CSMD2: variants seen among roughly 807,000 people sequenced by gnomAD.
CSMD2 encodes CUB and Sushi multiple domains 2, also known as CUB and sushi domain-containing protein 2.
In CSMD2, 130 loss-of-function variants were observed where a neutral mutation model predicts 398.5. The ratio of observed to expected loss-of-function variants is 0.33; its 90% confidence interval spans 0.28 to 0.38. The LOEUF (loss-of-function observed/expected upper bound fraction) is 0.38, where lower values mean the gene tolerates loss of function less well. Ranked by LOEUF, CSMD2 falls within the 10% of genes least tolerant of loss-of-function variation. CSMD2 has a pLI of 1.00. For missense variants in CSMD2, 3,829 were observed against 4,764.9 expected, an observed-to-expected ratio of 0.80 and a Z score of 5.78; for synonymous variants, 1,828 against 1,908.5, an observed-to-expected ratio of 0.96 and a Z score of 1.10.
At chr1:33,546,009 G>A in intron 57 of CSMD2, 28 bp downstream of exon 57, 9 of 1,588,210 alleles carry the variant, frequency 5.7e-6, no homozygotes, top group Non-Finnish European at 7.7e-6. Context: ...TGGGCAAAGG[G>A]GAGAAGCAGA....
intron 1 of CSMD2, among the ~76,000 whole-genome samples, chr1:34,109,684 G>GA (rs957844571): frequency 6.6e-6 from 1 of 150,576 alleles, no homozygotes; most frequent in Non-Finnish European, 1.5e-5. Flanking sequence ...AAATTTACAA[G>GA]AAAAAAATAA....
chr1:34,139,823 T>C (rs549113028), intron 1 of CSMD2, among the ~76,000 whole-genome samples: 15 of 152,298 alleles, frequency 9.8e-5, no homozygotes, highest in African/African-American at 3.1e-4. Flanking sequence ...GTTGTTGTTA[T>C]AAATTAAAAA....
chr1:33,702,845 G>A (rs193088524), intron 22 of CSMD2, among the ~76,000 whole-genome samples: 49 of 152,088 alleles, frequency 3.2e-4, no homozygotes, highest in African/African-American at 9.9e-4. Context: ...AATTCATGTC[G>A]TTAAATCTAC....
At chr1:33,739,079 C>A in intron 15 of CSMD2, 61 bp downstream of exon 15, 1 of 1,523,538 alleles carries the variant, frequency 6.6e-7, no homozygotes. Flanking sequence ...GGGCTGCTTG[C>A]TCCCCCTCCC....
chr1:33,939,113 A>C (rs934293379), intron 3 of CSMD2, among the ~76,000 whole-genome samples: 2 of 150,028 alleles, frequency 1.3e-5, no homozygotes, highest in South Asian at 4.2e-4. Context: ...GGTGTTTCCC[A>C]TGATCCTGTA....
chr1:33,551,352 A>C (rs1053394158), intron 55 of CSMD2, among the ~76,000 whole-genome samples: 13 of 152,250 alleles, frequency 8.5e-5, no homozygotes, highest in Non-Finnish European at 1.8e-4. Flanking sequence ...TCGGATTTAC[A>C]TTTTAACAAG....
At chr1:33,991,222 G>T (rs893885151) in intron 3 of CSMD2, among the ~76,000 whole-genome samples, 19 of 152,040 alleles carry the variant, frequency 1.2e-4, no homozygotes, top group African/African-American at 4.6e-4. Flanking sequence ...TTCCCAGCTG[G>T]CATGGAACTC....
chr1:33,663,177 G>A, intron 25 of CSMD2, 85 bp from the exon 26 acceptor site: 1 of 1,159,168 alleles, frequency 8.6e-7, no homozygotes, highest in South Asian at 1.4e-5. Flanking sequence ...AACCTACGAA[G>A]ACTGGCCCTA....
In CSMD2 at chr1:33,633,451, A is replaced by G. The variant is rs993241254; in HGVS notation, c.5171T>C (p.Leu1724Pro). The G allele has an allele frequency of 2.1e-5, 32 of 1,553,898 alleles. No homozygotes were observed. The highest frequency in any genetic ancestry group is 3.9e-5 in the Admixed American group (2 of 51,188). Residue 1724 changes from leucine (L) to proline (P), a missense_variant, in exon 32 of 71, where the codon CTC becomes CCC. Coordinates refer to ENST00000373381, the MANE Select transcript of CSMD2 (RefSeq NM_001281956.2). This position sits in a 1 kb window ranked among gnomAD's most constrained non-coding sequence, Gnocchi z 5.0. ...ATGGGAGCCCGAGAGGGAGCTGAGG[A>G]GCCGCGAGTGCTGGCTGTGGCCGTC... ...VHDGHSQHSR[L>P]LSSLSGSHTG...
At chr1:33,876,376 G>A (rs1267008253) in intron 5 of CSMD2, among the ~76,000 whole-genome samples, 2 of 152,146 alleles carry the variant, frequency 1.3e-5, no homozygotes, top group Middle Eastern at 6.3e-3. Context: ...GCAATTTGTC[G>A]AACATGAGAA....
At chr1:33,685,569 G>A (rs1042350774) in intron 25 of CSMD2, among the ~76,000 whole-genome samples, 4 of 152,290 alleles carry the variant, frequency 2.6e-5, no homozygotes, top group Non-Finnish European at 4.4e-5. Context: ...CCTTCAGTGT[G>A]TAAAGACTCC....
At chr1:34,021,387 C>G (rs10914844) in intron 3 of CSMD2, among the ~76,000 whole-genome samples, 12,017 of 152,214 alleles carry the variant, frequency 0.079, 863 homozygotes, top group East Asian at 0.31. Flanking sequence ...CGGTCCCTAC[C>G]AGAGCAGCAG....
In CSMD2 at chr1:34,163,954, C is replaced by T. The variant is rs909917667; in HGVS notation, c.187+957G>A. 6.6e-6 allele frequency among the ~76,000 whole-genome samples: 1 copy of T among 152,156 alleles called. No homozygotes were observed. Among genetic ancestry groups the T allele is most frequent in the Non-Finnish European group, 1.5e-5 (1 of 68,030 alleles). ...TTCCCTCGAAGGTTCGCGTACCTCC[C>T]CCGCGCGCTGCAAGCTGCAGCCAGA... On this transcript the variant is annotated intron_variant, in intron 1 of 70. Transcript: ENST00000373381. This position sits in a 1 kb window ranked among gnomAD's most constrained non-coding sequence, Gnocchi z 5.4.
At chr1:33,781,898 C>A (rs1278352733) in intron 12 of CSMD2, among the ~76,000 whole-genome samples, 1 of 148,778 alleles carries the variant, frequency 6.7e-6, no homozygotes, top group Non-Finnish European at 1.5e-5. Context: ...CTCCCCCGCC[C>A]CCTGACCTGG....
chr1:33,870,235 A>G (rs913559164), intron 5 of CSMD2: 4 of 152,176 alleles, frequency 2.6e-5, no homozygotes, highest in African/African-American at 9.7e-5. Flanking sequence ...TAGGTGTGCT[A>G]GGGAATAAAT....
chr1:34,120,899 T>C (rs1032367485), intron 1 of CSMD2, among the ~76,000 whole-genome samples: 9 of 152,140 alleles, frequency 5.9e-5, no homozygotes, highest in African/African-American at 2.2e-4. Flanking sequence ...ATGGTCCCCC[T>C]CCTGCCATAT....
intron 19 of CSMD2, among the ~76,000 whole-genome samples, chr1:33,722,456 T>C (rs971879970): frequency 6.6e-6 from 1 of 152,218 alleles, no homozygotes; most frequent in Non-Finnish European, 1.5e-5. Context: ...ACTGTTACAA[T>C]TTTCTTTGAT....
chr1:34,092,650 C>T (rs79168250), intron 1 of CSMD2, among the ~76,000 whole-genome samples: 2 of 152,132 alleles, frequency 1.3e-5, no homozygotes, highest in East Asian at 1.9e-4. Context: ...GGGTGACGGA[C>T]GGCACCTGGA....
chr1:33,775,069 G>A (rs1424098114), intron 12 of CSMD2, among the ~76,000 whole-genome samples: 1 of 152,222 alleles, frequency 6.6e-6, no homozygotes, highest in Admixed American at 6.5e-5. Flanking sequence ...TCTGGAAATA[G>A]GGTGTGGAGA....
Sources: allele counts gnomAD v4.1 joint callset (sites outside exome capture counted in the v4.1 genomes callset), GRCh38; gene constraint gnomAD v4.1.1; non-coding constraint Gnocchi (gnomAD v3.1); transcripts MANE v1.5; gene names NCBI Gene and HGNC (gene_info 2026-07-23, HGNC 2026-07-21).